The following MPPED1 variants were observed in gnomAD, a reference collection of about 807,000 sequenced individuals.
MPPED1 encodes the protein metallophosphoesterase domain-containing protein 1.
In MPPED1, 16 loss-of-function variants were observed where a neutral mutation model predicts 36.2. That is an observed-to-expected ratio of 0.44 (90% CI 0.30 to 0.67). The LOEUF is 0.67. MPPED1 is among the 30% of genes least tolerant of loss of function. The pLI, the probability that MPPED1 is intolerant of heterozygous loss-of-function variation, is 0.10. For synonymous variants in MPPED1, 199 were observed against 191.3 expected (o/e 1.04, Z -0.33); for missense variants, 307 against 453.4 (o/e 0.68, Z 2.93).
intron 3 of MPPED1, among the ~76,000 whole-genome samples, chr22:43,471,491 C>T (rs1384068418): frequency 6.6e-6 from 1 of 152,208 alleles, no homozygotes; most frequent in Admixed American, 6.5e-5. Context: ...GTTTCCCAGC[C>T]TTTGAGCCTC....
chr22:43,413,158 C>G (rs558471851), intron 1 of MPPED1, among the ~76,000 whole-genome samples: 1 of 152,238 alleles, frequency 6.6e-6, no homozygotes, highest in East Asian at 1.9e-4. Flanking sequence ...TTCCCCCTCC[C>G]CATTTCCCCT....
rs566775976 is a variant in MPPED1 at position 43,444,940 on chromosome 22, G to T, written c.406+9725G>T. On this transcript the variant is annotated intron_variant, in intron 3 of 6. Coordinates refer to ENST00000443721, the MANE Select transcript of MPPED1 (RefSeq NM_001044370.2). ...GTAGAATATTGATGATAAATTAAAA[G>T]CCAGGGTTGAAAAAAAAGTTAGAGT... 3.9e-5 allele frequency among the ~76,000 whole-genome samples: 6 copies of T among 152,288 alleles called. No homozygotes were observed. In the East Asian group the frequency reaches 1.2e-3, roughly 29 times the overall value.
intron 3 of MPPED1, among the ~76,000 whole-genome samples, chr22:43,439,811 A>T (rs1930086444): frequency 6.6e-6 from 1 of 152,152 alleles, no homozygotes. Context: ...CTCCAGCCAC[A>T]CCGTCCAGCT....
At chr22:43,426,990 T>C (rs986683155) in intron 2 of MPPED1, among the ~76,000 whole-genome samples, 3 of 152,198 alleles carry the variant, frequency 2.0e-5, no homozygotes, top group Non-Finnish European at 4.4e-5. Flanking sequence ...GGCTGGGTTT[T>C]GTCTTTTGCT....
chr22:43,500,395 A>AGGTGGTGATGGGGGT (rs1932687967), intron 5 of MPPED1, among the ~76,000 whole-genome samples: 1 of 105,146 alleles, frequency 9.5e-6, no homozygotes, highest in Non-Finnish European at 2.0e-5. Flanking sequence ...ATGGTGATGG[A>AGGTGGTGATGGGGGT]GGTGGTAGTG....
chr22:43,435,489 G>A (rs1386017872), intron 3 of MPPED1, among the ~76,000 whole-genome samples: 1 of 152,092 alleles, frequency 6.6e-6, no homozygotes, highest in African/African-American at 2.4e-5. Flanking sequence ...CCTCCAAAAG[G>A]GACTTTGCTC....
At chr22:43,452,612 C>A (rs1445271861) in intron 3 of MPPED1, among the ~76,000 whole-genome samples, 2 of 152,122 alleles carry the variant, frequency 1.3e-5, no homozygotes, top group African/African-American at 2.4e-5. Flanking sequence ...AGCCTTAAAA[C>A]CCTTGGCTTT....
intron 4 of MPPED1, among the ~76,000 whole-genome samples, chr22:43,476,314 T>C (rs1038098744): frequency 5.3e-5 from 8 of 152,184 alleles, no homozygotes; most frequent in African/African-American, 1.9e-4. Context: ...TGCTTAAAAG[T>C]GTGGCTTGAT....
At chr22:43,417,936 C>A (rs117231932) in intron 1 of MPPED1, 7,380 of 407,812 alleles carry the variant, frequency 0.018, 103 homozygotes, top group Non-Finnish European at 0.023. Flanking sequence ...TTCCTCAGAA[C>A]GCCGCAGCGG....
At chr22:43,501,611 A>C (rs1349116814) in intron 5 of MPPED1, among the ~76,000 whole-genome samples, 1 of 152,156 alleles carries the variant, frequency 6.6e-6, no homozygotes, top group Non-Finnish European at 1.5e-5. Context: ...CACACACTCC[A>C]GAAGTGAAGA....
chr22:43,423,236 G>C (rs538160416), intron 1 of MPPED1, among the ~76,000 whole-genome samples: 1 of 152,188 alleles, frequency 6.6e-6, no homozygotes, highest in Non-Finnish European at 1.5e-5. Flanking sequence ...CTTGACCCCC[G>C]TCCAGATCTG....
chr22:43,495,106 A>G (rs903073213), intron 4 of MPPED1, among the ~76,000 whole-genome samples: 7 of 151,256 alleles, frequency 4.6e-5, no homozygotes, highest in African/African-American at 1.7e-4. Flanking sequence ...TGATTGAGGT[A>G]GTGGTGGTGA....
At chr22:43,451,393 T>G (rs943578023) in intron 3 of MPPED1, among the ~76,000 whole-genome samples, 6 of 152,364 alleles carry the variant, frequency 3.9e-5, no homozygotes, top group African/African-American at 7.2e-5. Context: ...AATTTAGTTC[T>G]TTGAAATTTG....
intron 4 of MPPED1, among the ~76,000 whole-genome samples, chr22:43,483,910 C>T (rs189747407): frequency 6.6e-6 from 1 of 152,356 alleles, no homozygotes; most frequent in Admixed American, 6.5e-5. Context: ...GATCCAGCTC[C>T]TGCTGCCCGT....
intron 1 of MPPED1, chr22:43,419,019 G>A (rs1291005809): frequency 6.6e-6 from 1 of 152,164 alleles, no homozygotes; most frequent in Non-Finnish European, 1.5e-5. Flanking sequence ...GACATGGAGT[G>A]AGCACCTCCT....
At chr22:43,458,706 T>A (rs1487305956) in intron 3 of MPPED1, among the ~76,000 whole-genome samples, 2 of 152,244 alleles carry the variant, frequency 1.3e-5, no homozygotes, top group Non-Finnish European at 2.9e-5. Flanking sequence ...TTCAGTATTT[T>A]TTGTAGAGAG....
intron 3 of MPPED1, among the ~76,000 whole-genome samples, chr22:43,463,849 TTCTTTCTTTCTTTCTTTC>T (rs1931058763): frequency 6.7e-6 from 1 of 148,514 alleles, no homozygotes; most frequent in Non-Finnish European, 1.5e-5. Flanking sequence ...CTTTCTTTCT[TTCTTTCTTTCTTTCTTTC>T]TTTCTTTCTC....
At position 43,502,716 on chromosome 22, in the gene MPPED1, G is replaced by A. The variant is rs769360255; in HGVS notation, c.821G>A (p.Arg274His). Residue 274 changes from arginine to histidine, a missense_variant, in exon 6 of 7, where the codon CGC becomes CAC. Physicochemically the swap from Arg to His is conservative, Grantham distance 29. Coordinates refer to ENST00000443721, the MANE Select transcript of MPPED1 (RefSeq NM_001044370.2). This position sits in a 1 kb window ranked among gnomAD's most constrained non-coding sequence, Gnocchi z 5.5. The stretch of plus-strand genomic sequence containing the variant: ...GAGCTGCTCAACACGGTGCAGAGGC[G>A]CGTCCAGCCGCGGTTACATGTCTTT... ...CVELLNTVQRRVQPRLHVFGH... is the reference protein window; with the variant it reads ...CVELLNTVQRHVQPRLHVFGH... 4.3e-6 allele frequency: 7 copies of A among 1,613,260 alleles called. No individual in the cohort carries two copies. The highest frequency in any genetic ancestry group is 5.9e-6 in the Non-Finnish European group (7 of 1,179,864).
chr22:43,500,229 G>GTGGTGA (rs1357910704), intron 5 of MPPED1, among the ~76,000 whole-genome samples: 16 of 17,828 alleles, frequency 9.0e-4, no homozygotes, highest in Non-Finnish European at 1.5e-3. Context: ...GATGGTGGAG[G>GTGGTGA]TGGTGATGGA....
Sources: gnomAD v4.1 joint callset for allele counts (sites outside exome capture counted in the v4.1 genomes callset) on GRCh38, gnomAD v4.1.1 for gene constraint, Gnocchi (gnomAD v3.1) non-coding constraint, MANE v1.5 for transcripts, NCBI Gene and HGNC (gene_info 2026-07-23, HGNC 2026-07-21) for gene names.